Variants in IGF2R observed in about 807,000 individuals in gnomAD.
The protein encoded by IGF2R is cation-independent mannose-6-phosphate receptor.
In IGF2R, 91 loss-of-function variants were observed where a neutral mutation model predicts 270.6. The ratio of observed to expected loss-of-function variants is 0.34; its 90% CI spans 0.28 to 0.40. The LOEUF is 0.40. IGF2R is among the 10% of genes least tolerant of loss of function. IGF2R has a pLI of 1.00. For missense variants in IGF2R, 2,805 were observed against 3,188.3 expected, an observed-to-expected ratio of 0.88 and a Z score of 2.90; for synonymous variants, 1,316 against 1,258.9, an observed-to-expected ratio of 1.05 and a Z score of -0.96.
chr6:159,978,404 T>C (rs1473791622), intron 1 of IGF2R, among the ~76,000 whole-genome samples: 2 of 152,184 alleles, frequency 1.3e-5, no homozygotes, highest in Non-Finnish European at 2.9e-5. Flanking sequence ...GGTCCCAGGC[T>C]AGGCTGGGAG....
intron 11 of IGF2R, among the ~76,000 whole-genome samples, chr6:160,042,921 A>C (rs1394957034): frequency 6.6e-6 from 1 of 151,968 alleles, no homozygotes; most frequent in Non-Finnish European, 1.5e-5. Flanking sequence ...CTTCTGAAGA[A>C]GTATTGGGAT....
At chr6:160,070,186 AC>A in intron 31 of IGF2R, 128 bp downstream of exon 31, 1 of 898,450 alleles carries the variant, frequency 1.1e-6, no homozygotes, top group Non-Finnish European at 1.7e-6. Flanking sequence ...ATGCGCCCTT[AC>A]CAGAGGTTGG....
chr6:160,022,780 T>C (rs372241623), intron 4 of IGF2R, among the ~76,000 whole-genome samples: 131 of 152,082 alleles, frequency 8.6e-4, no homozygotes, highest in African/African-American at 3.0e-3. Context: ...CAGAGAGAGG[T>C]AGAGAGTGCT....
chr6:160,099,331 T>TTTGTG (rs1779430367), intron 45 of IGF2R, among the ~76,000 whole-genome samples: 1 of 149,026 alleles, frequency 6.7e-6, no homozygotes, highest in South Asian at 2.2e-4. Flanking sequence ...TTTCCTCAGC[T>TTTGTG]TTATGTTATG....
intron 1 of IGF2R, among the ~76,000 whole-genome samples, chr6:159,978,295 C>G (rs528448621): frequency 1.1e-4 from 17 of 151,972 alleles, no homozygotes; most frequent in Non-Finnish European, 2.1e-4. Flanking sequence ...TTGAGGAGTC[C>G]TTCCTCACTC....
intron 10 of IGF2R, among the ~76,000 whole-genome samples, chr6:160,039,525 T>C (rs1018144225): frequency 6.6e-6 from 1 of 152,236 alleles, no homozygotes; most frequent in Non-Finnish European, 1.5e-5. Context: ...CTGTGGCTGG[T>C]ATTATAATTA....
chr6:159,973,350 C>T (rs1244629172), intron 1 of IGF2R, among the ~76,000 whole-genome samples: 1 of 152,132 alleles, frequency 6.6e-6, no homozygotes, highest in Non-Finnish European at 1.5e-5. Flanking sequence ...TAGCAGTGTG[C>T]ATTAATGATA....
At chr6:159,994,309 T>C (rs6455678) in intron 2 of IGF2R, among the ~76,000 whole-genome samples, 30,609 of 151,824 alleles carry the variant, frequency 0.2, 3,776 homozygotes, top group East Asian at 0.58. Flanking sequence ...CTTTTTCATT[T>C]CTGATTGTGC....
chr6:159,994,907 T>A (rs1021493026), intron 2 of IGF2R, among the ~76,000 whole-genome samples: 2 of 152,200 alleles, frequency 1.3e-5, no homozygotes, highest in African/African-American at 4.8e-5. Flanking sequence ...GAGGAATGTA[T>A]GTCCTGTGGT....
In IGF2R at chr6:160,103,950, C is replaced by T. The variant is rs77120551; in HGVS notation, c.7065+135C>T. ...GGAATCCAGAAAGGAAAGCAACACC[C>T]GTTGCCTCAGCCACTTACGCCAGCA... On this transcript the variant is annotated intron_variant, in intron 47 of 47. Coordinates refer to ENST00000356956, the MANE Select transcript of IGF2R (RefSeq NM_000876.4). 5.7e-4 allele frequency: 340 copies of T among 601,588 alleles called. 1 individual carries two copies. In the African/African-American group the frequency reaches 5.7e-3, roughly 10 times the overall value. The allele number at this position is 601,588 out of a possible 1,614,324, so 37.3% of individuals were successfully genotyped here. A position where few individuals can be genotyped will look rare whatever the true frequency, so the allele number is the denominator to read the frequency against.
chr6:159,995,782 C>A (rs112674383), intron 2 of IGF2R, among the ~76,000 whole-genome samples: 91 of 151,706 alleles, frequency 6.0e-4, no homozygotes, highest in Admixed American at 3.3e-4. Context: ...GATCTTATTG[C>A]GCTTCTTTAA....
At chr6:160,065,814 G>GTGTGTGTGTGTGTGTATA in intron 29 of IGF2R, among the ~76,000 whole-genome samples, 2 of 78,390 alleles carry the variant, frequency 2.6e-5, no homozygotes, top group African/African-American at 5.6e-5. Context: ...GTGTGTGTGT[G>GTGTGTGTGTGTGTGTATA]TATATATATA....
At chr6:159,994,473 T>A (rs1258508278) in intron 2 of IGF2R, among the ~76,000 whole-genome samples, 1 of 152,090 alleles carries the variant, frequency 6.6e-6, no homozygotes, top group Non-Finnish European at 1.5e-5. Flanking sequence ...ATTTTTGTTA[T>A]TTCTTCTGTT....
chr6:160,048,252 T>A, intron 17 of IGF2R, 123 bp from the exon 18 acceptor site: 1 of 934,502 alleles, frequency 1.1e-6, no homozygotes, highest in South Asian at 1.4e-5. Flanking sequence ...AGCCAACTCC[T>A]GGTAGTGTGA....
intron 10 of IGF2R, among the ~76,000 whole-genome samples, chr6:160,035,667 T>A (rs1431600061): frequency 6.6e-6 from 1 of 152,220 alleles, no homozygotes; most frequent in Non-Finnish European, 1.5e-5. Context: ...ACACATTTTT[T>A]AAGTACCTAT....
At chr6:159,987,211 G>C (rs1291179235) in intron 1 of IGF2R, among the ~76,000 whole-genome samples, 1 of 152,128 alleles carries the variant, frequency 6.6e-6, no homozygotes, top group Non-Finnish European at 1.5e-5. Context: ...CGATTTTCAA[G>C]TTTATTATGA....
Position 159,993,032 on chromosome 6 carries a change from C to T in IGF2R, c.289+1709C>T, listed in dbSNP as rs115842673. Among the ~76,000 whole-genome samples, 1,051 of 152,202 alleles carry T rather than the reference C, an allele frequency of 6.9e-3. 16 individuals are homozygous for T. Among genetic ancestry groups the T allele is most frequent in the African/African-American group, 0.024 (1,001 of 41,538 alleles). ...GGGATGTGGAACATTTTTACATATG[C>T]TTGTTGGCCATTTGTATGTCTTTAG... is the stretch of plus-strand genomic sequence containing the variant. On this transcript the variant is annotated intron_variant, in intron 2 of 47. Transcript: ENST00000356956.
At chr6:160,016,629 A>G (rs1777306076) in intron 4 of IGF2R, among the ~76,000 whole-genome samples, 1 of 152,226 alleles carries the variant, frequency 6.6e-6, no homozygotes, top group East Asian at 1.9e-4. Flanking sequence ...GCAGGAGACA[A>G]GCTTTCCATG....
chr6:160,059,166 C>A, intron 22 of IGF2R, 68 bp downstream of exon 22: 2 of 1,328,666 alleles, frequency 1.5e-6, no homozygotes, highest in South Asian at 1.2e-5. Flanking sequence ...GGCCATGCAC[C>A]TTCCTGAGTG....
Sources: allele counts gnomAD v4.1 joint callset (sites outside exome capture counted in the v4.1 genomes callset), GRCh38; gene constraint gnomAD v4.1.1; transcripts MANE v1.5; gene names NCBI Gene and HGNC (gene_info 2026-07-23, HGNC 2026-07-21).